Variants in NRG1 observed in about 807,000 individuals in gnomAD.
NRG1 encodes the protein pro-neuregulin-1, membrane-bound isoform.
Under a neutral mutation model 63.8 loss-of-function variants are expected in NRG1, and 18 were observed. The ratio of observed to expected loss-of-function variants is 0.28; its 90% CI spans 0.19 to 0.42. The LOEUF (loss-of-function observed/expected upper bound fraction) is 0.42. Ranked by LOEUF, NRG1 falls within the 10% of genes least tolerant of loss-of-function variation. The pLI is 1.00. For missense variants in NRG1, 762 were observed against 814.7 expected (o/e 0.94, Z 0.79); for synonymous variants, 302 against 301.3 (o/e 1.00, Z -0.02).
chr8:31,667,666 T>C (rs1196485468), intron 1 of NRG1, among the ~76,000 whole-genome samples: 1 of 151,914 alleles, frequency 6.6e-6, no homozygotes, highest in Non-Finnish European at 1.5e-5. Flanking sequence ...GGGTTGGGAG[T>C]CAAGGACATT....
intron 1 of NRG1, among the ~76,000 whole-genome samples, chr8:32,111,533 T>C (rs1390681816): frequency 1.3e-5 from 2 of 152,236 alleles, no homozygotes; most frequent in Non-Finnish European, 2.9e-5. Flanking sequence ...TTTGCTTGTC[T>C]AGCAGACTTG....
downstream of NRG1, among the ~76,000 whole-genome samples, chr8:32,771,455 T>C (rs1831782824): frequency 6.6e-6 from 1 of 151,360 alleles, no homozygotes; most frequent in Non-Finnish European, 1.5e-5. Flanking sequence ...GCAGTATAAG[T>C]TCAGCTTGCT....
chr8:32,373,876 A>C (rs906773255), intron 1 of NRG1, among the ~76,000 whole-genome samples: 19 of 152,206 alleles, frequency 1.2e-4, no homozygotes, highest in African/African-American at 4.6e-4. Flanking sequence ...TCTAAGATGA[A>C]TAATACACAA....
chr8:32,586,287 C>T (rs893947604), intron 1 of NRG1, among the ~76,000 whole-genome samples: 4 of 151,228 alleles, frequency 2.6e-5, no homozygotes, highest in African/African-American at 4.9e-5. Flanking sequence ...TTTGGAAATA[C>T]ATTATAGTTG....
In NRG1 at chr8:31,986,041, A is replaced by T. The variant is rs117838781; in HGVS notation, c.37+346610A>T. ...TTATCCTCTAAGTGATCTCAGTCGA[A>T]TCATTTGCTGTCTTGGTTTCACTTC... On this transcript the variant is annotated intron_variant, in intron 1 of 10. Coordinates refer to the NRG1 transcript ENST00000519301. Among the ~76,000 whole-genome samples, 480 of 152,258 alleles carry T rather than the reference A, an allele frequency of 3.2e-3. 2 individuals carry two copies. The highest frequency in any genetic ancestry group is 5.4e-3 in the Non-Finnish European group (366 of 68,000).
chr8:32,563,474 A>G (rs1836841199), intron 1 of NRG1, among the ~76,000 whole-genome samples: 1 of 152,206 alleles, frequency 6.6e-6, no homozygotes. Context: ...ATATTTGGGA[A>G]TTACTAGTGC....
chr8:31,823,361 C>G (rs1020429881), intron 1 of NRG1, among the ~76,000 whole-genome samples: 1 of 152,040 alleles, frequency 6.6e-6, no homozygotes, highest in East Asian at 1.9e-4. Context: ...GGGTGTCCCA[C>G]TCAAGTCATT....
rs567514834 is a variant in NRG1 at position 31,867,783 on chromosome 8, C to T, written c.37+228352C>T. On this transcript the variant is annotated intron_variant, in intron 1 of 10. Transcript: ENST00000519301. ...GGCTTAAGAATTGTATTTGATTATG[C>T]GAAGACAAATCCAAAATTTTAAATT... Among the ~76,000 whole-genome samples the T allele has an allele frequency of 1.2e-4, 18 of 152,010 alleles. No homozygotes were observed. The South Asian group carries it at 3.1e-3, about 26-fold the overall frequency.
At chr8:32,536,374 A>T (rs551738335) in intron 1 of NRG1, among the ~76,000 whole-genome samples, 2 of 152,254 alleles carry the variant, frequency 1.3e-5, no homozygotes, top group South Asian at 4.1e-4. Flanking sequence ...CTCTCACTAT[A>T]CGACAGCTAC....
At chr8:31,781,327 T>C (rs184488136) in intron 1 of NRG1, among the ~76,000 whole-genome samples, 4 of 152,058 alleles carry the variant, frequency 2.6e-5, no homozygotes, top group Admixed American at 2.6e-4. Flanking sequence ...GTTGTACAAA[T>C]TGATTGCTGT....
chr8:32,497,244 C>T (rs1039034721), intron 1 of NRG1, among the ~76,000 whole-genome samples: 17 of 152,002 alleles, frequency 1.1e-4, no homozygotes, highest in African/African-American at 4.1e-4. Context: ...GTCAGGAGTT[C>T]GAGACCAGCC....
chr8:31,926,952 C>T (rs1834408600), intron 1 of NRG1, among the ~76,000 whole-genome samples: 1 of 152,284 alleles, frequency 6.6e-6, no homozygotes, highest in Non-Finnish European at 1.5e-5. Flanking sequence ...CCCCATTCCA[C>T]ACTCTCTTCT....
intron 1 of NRG1, among the ~76,000 whole-genome samples, chr8:32,096,383 CTT>C (rs1252234200): frequency 2.0e-5 from 3 of 152,170 alleles, no homozygotes; most frequent in African/African-American, 7.2e-5. Context: ...AAATCACACA[CTT>C]AACATATCTG....
At chr8:32,214,376 ATAT>A (rs1285816062) in intron 1 of NRG1, among the ~76,000 whole-genome samples, 2 of 152,226 alleles carry the variant, frequency 1.3e-5, no homozygotes, top group African/African-American at 2.4e-5. Context: ...GATTTAAAAG[ATAT>A]TATATAGCCA....
intron 1 of NRG1, among the ~76,000 whole-genome samples, chr8:32,121,499 A>T (rs972242997): frequency 1.3e-5 from 2 of 151,852 alleles, no homozygotes; most frequent in African/African-American, 4.8e-5. Flanking sequence ...TGCTTTATTG[A>T]ATGTCACTCT....
intron 1 of NRG1, among the ~76,000 whole-genome samples, chr8:32,141,263 C>A (rs887484645): frequency 3.3e-5 from 5 of 151,692 alleles, no homozygotes; most frequent in African/African-American, 1.2e-4. Flanking sequence ...TGCTAAGGGG[C>A]GATAAAGTAG....
At chr8:31,676,653 T>A (rs1470727659) in intron 1 of NRG1, among the ~76,000 whole-genome samples, 2 of 152,192 alleles carry the variant, frequency 1.3e-5, no homozygotes, top group African/African-American at 2.4e-5. Flanking sequence ...TTCTGGTGCA[T>A]GCGCACATGT....
At chr8:32,266,150 G>A (rs1850910069) in intron 1 of NRG1, among the ~76,000 whole-genome samples, 1 of 152,158 alleles carries the variant, frequency 6.6e-6, no homozygotes, top group Non-Finnish European at 1.5e-5. Flanking sequence ...GGTGGAATCT[G>A]AACAATGTGT....
At position 32,636,830 on chromosome 8, in the gene NRG1, A is replaced by G. The variant is rs144858328; in HGVS notation, c.502+19945A>G. On this transcript the variant is annotated intron_variant, in intron 5 of 11. Coordinates refer to ENST00000356819, the Ensembl canonical transcript of NRG1. Reference sequence around the variant, plus strand: ...ATTATATGAATCTTTTACCCTTGATATAATTTTGAAATTCATCTTAAAAAT... The same window carrying G: ...ATTATATGAATCTTTTACCCTTGATGTAATTTTGAAATTCATCTTAAAAAT... 6.6e-4 allele frequency among the ~76,000 whole-genome samples: 100 copies of G among 152,328 alleles called. 2 individuals are homozygous for G. In the East Asian group the frequency reaches 0.017, roughly 25 times the overall value.
Sources: allele counts gnomAD v4.1 joint callset (sites outside exome capture counted in the v4.1 genomes callset), GRCh38; gene constraint gnomAD v4.1.1; transcripts MANE v1.5; gene names NCBI Gene and HGNC (gene_info 2026-07-23, HGNC 2026-07-21).